Variants in FHAD1 observed in about 807,000 individuals in gnomAD.
FHAD1 encodes forkhead associated phosphopeptide binding domain 1.
A neutral mutation model predicts 191.3 loss-of-function variants in FHAD1; 146 were observed. That is an observed-to-expected ratio of 0.76 (90% CI 0.67 to 0.88). The LOEUF (loss-of-function observed/expected upper bound fraction) is 0.88. Among genes scored for constraint, FHAD1 ranks in the 40% least tolerant of loss-of-function variants. The pLI is 0.00. For synonymous variants in FHAD1, 616 were observed against 672.3 expected, an observed-to-expected ratio of 0.92 and a Z score of 1.29; for missense variants, 1,635 against 1,785.8, an observed-to-expected ratio of 0.92 and a Z score of 1.52.
In FHAD1 at chr1:15,289,628, T is replaced by C; in HGVS notation, c.530T>C (p.Val177Ala). ...GCCAACAAGGAGATGTTCTCGTTCG[T>C]GGTGGACGACGCCCGCAAGCCACCC... Reference protein sequence around the residue: ...VSANKEMFSFVVDDARKPPVI... With the variant: ...VSANKEMFSFAVDDARKPPVI... Residue 177 changes from valine (V) to alanine (A), a missense_variant, in exon 4 of 34, where the codon GTG becomes GCG. By Grantham distance (64) the Val-to-Ala change is moderately conservative. Transcript: ENST00000688493. The surrounding 1 kb of genome is among the most constrained non-coding windows in gnomAD (Gnocchi z 4.2). The C allele has an allele frequency of 6.4e-7, 1 of 1,551,164 alleles. No homozygotes were observed. Among genetic ancestry groups the C allele is most frequent in the African/African-American group, 1.4e-5 (1 of 73,170 alleles).
Position 15,328,427 on chromosome 1 carries a change from C to A in FHAD1, c.1708C>A (p.Gln570Lys). The A allele has an allele frequency of 6.6e-7, 1 of 1,510,788 alleles. No homozygotes were observed. Among genetic ancestry groups the A allele is most frequent in the South Asian group, 1.3e-5 (1 of 78,100 alleles). The allele number at this position is 1,510,788 out of a possible 1,614,324, so 93.6% of individuals were successfully genotyped here. A position where few individuals can be genotyped will look rare whatever the true frequency, so the allele number is the denominator to read the frequency against. The part of the protein sequence containing the change: ...EKLRTSLDSC[Q>K]ACMKISCCSH... ...GCTGAGGACGTCGCTGGACAGCTGC[C>A]AGGTGGCCCCTCCTTACGCTTTCCA... Residue 570 changes from glutamine (Q) to lysine (K), a missense_variant and splice_region_variant, in exon 13 of 34, where the codon CAG becomes AAG. Gln to Lys is a moderately conservative substitution (Grantham distance 53, BLOSUM62 1). Coordinates refer to ENST00000688493, the MANE Select transcript of FHAD1 (RefSeq NM_001391957.1).
intron 26 of FHAD1, among the ~76,000 whole-genome samples, chr1:15,371,402 T>C (rs527524433): frequency 6.6e-6 from 1 of 152,312 alleles, no homozygotes; most frequent in East Asian, 1.9e-4. Context: ...AATGTATTTG[T>C]TCCTTCTTGG....
At chr1:15,333,195 C>T (rs1682446222) in intron 14 of FHAD1, among the ~76,000 whole-genome samples, 1 of 152,150 alleles carries the variant, frequency 6.6e-6, no homozygotes, top group Non-Finnish European at 1.5e-5. Context: ...CTAATACAAG[C>T]AATATTACGT....
chr1:15,294,293 A>G (rs1014200387), intron 4 of FHAD1, among the ~76,000 whole-genome samples: 11 of 152,146 alleles, frequency 7.2e-5, no homozygotes, highest in Non-Finnish European at 1.0e-4. Flanking sequence ...GAAAAATTCT[A>G]TTTGGAAACG....
intron 7 of FHAD1, among the ~76,000 whole-genome samples, chr1:15,310,714 G>A (rs546736778): frequency 4.6e-5 from 7 of 152,118 alleles, no homozygotes; most frequent in African/African-American, 1.4e-4. Context: ...ACTTAAGCTC[G>A]AGAAGCACTG....
rs903901423 is a variant in FHAD1, at chr1:15,327,268, C to G, written c.1557+126C>G. 4 of 616,610 alleles carry G rather than the reference C, an allele frequency of 6.5e-6. No homozygotes were observed. The highest frequency in any genetic ancestry group is 3.7e-5 in the African/African-American group (2 of 53,572). 38.2% of individuals were successfully genotyped at this position (616,610 alleles called of 1,614,324 possible). A position where few individuals can be genotyped will look rare whatever the true frequency, so the allele number is the denominator to read the frequency against. On this transcript the variant is annotated intron_variant, in intron 12 of 33. Coordinates refer to ENST00000688493, the MANE Select transcript of FHAD1 (RefSeq NM_001391957.1). This position sits in a 1 kb window ranked among gnomAD's most constrained non-coding sequence, Gnocchi z 5.1. ...TGGTGGCATATTTTTCACACTGTTG[C>G]TACACCATAAAGATTTGTTTTGATT... is the stretch of plus-strand genomic sequence containing the variant.
chr1:15,335,340 C>G (rs1468182736), intron 14 of FHAD1: 1 of 152,164 alleles, frequency 6.6e-6, no homozygotes, highest in Non-Finnish European at 1.5e-5. Context: ...CAAGCTCCGT[C>G]GTTTGTGTCT....
At chr1:15,293,110 G>T (rs141438640) in intron 4 of FHAD1, among the ~76,000 whole-genome samples, 73 of 152,276 alleles carry the variant, frequency 4.8e-4, no homozygotes, top group African/African-American at 1.8e-3. Flanking sequence ...TTGGAGACTG[G>T]CTGCCACTCA....
Position 15,329,613 on chromosome 1 carries a change from C to T in FHAD1, c.1906+72C>T. The T allele has an allele frequency of 7.2e-7, 1 of 1,397,162 alleles. No individual in the cohort carries two copies. Among genetic ancestry groups the T allele is most frequent in the South Asian group, 1.3e-5 (1 of 79,954 alleles). The allele number at this position is 1,397,162 out of a possible 1,614,324, so 86.5% of individuals were successfully genotyped here. On this transcript the variant is annotated intron_variant, in intron 14 of 33. Transcript: ENST00000688493. The surrounding 1 kb of genome is among the most constrained non-coding windows in gnomAD (Gnocchi z 5.0). Reference sequence around the variant, plus strand: ...CGCGTTGAATCTCAGCATGATGGGACATCTGTTGAGGAAGTCTTCCTGGGT... The same window carrying T: ...CGCGTTGAATCTCAGCATGATGGGATATCTGTTGAGGAAGTCTTCCTGGGT...
At chr1:15,374,853 T>TG (rs112001632) in intron 27 of FHAD1, among the ~76,000 whole-genome samples, 2,685 of 116,190 alleles carry the variant, frequency 0.023, 134 homozygotes, top group African/African-American at 0.1. Context: ...TGTACGTTTT[T>TG]TTTTTTGTTT....
At chr1:15,376,152 C>T (rs1378689873) in intron 28 of FHAD1, among the ~76,000 whole-genome samples, 1 of 150,266 alleles carries the variant, frequency 6.7e-6, no homozygotes, top group Non-Finnish European at 1.5e-5. Flanking sequence ...TGCAGTGGCA[C>T]TATCTTGGCT....
chr1:15,240,630 C>CAAAAA (rs34684294), intron 1 of FHAD1, among the ~76,000 whole-genome samples: 19 of 109,842 alleles, frequency 1.7e-4, no homozygotes, highest in South Asian at 6.4e-4. Context: ...GACCCTGTCT[C>CAAAAA]AAAAAAAAAA....
intron 3 of FHAD1, among the ~76,000 whole-genome samples, chr1:15,281,921 T>G (rs891710571): frequency 1.3e-5 from 2 of 152,302 alleles, no homozygotes; most frequent in Non-Finnish European, 2.9e-5. Context: ...TGTATCTATA[T>G]CAGTACGGAC....
chr1:15,341,897 G>T lies in FHAD1; in HGVS notation c.2130+9G>T. On this transcript the variant is annotated intron_variant, in intron 16 of 33. Transcript: ENST00000688493. ...TGACGGAAGAGAAGGCGGTAAGGTG[G>T]TCCCTGCCATTTGCTTTACTACTGG... The T allele has an allele frequency of 3.2e-6, 5 of 1,549,668 alleles. No individual in the cohort carries two copies. The highest frequency in any genetic ancestry group is 2.4e-5 in the East Asian group (1 of 40,906).
Position 15,360,348 on chromosome 1 carries a change from A to G in FHAD1, c.2737-130A>G, listed in dbSNP as rs1570205102. 2.0e-5 allele frequency: 14 copies of G among 702,420 alleles called. No individual in the cohort carries two copies. In the South Asian group the frequency reaches 2.4e-4, roughly 12 times the overall value. 43.5% of individuals were successfully genotyped at this position (702,420 alleles called of 1,614,324 possible). ...GCTGGGGAAGAAGTGCACAGGGCAG[A>G]GGGAACTGCATGTGCTAAGGCCCTG... On this transcript the variant is annotated intron_variant, in intron 21 of 33. Coordinates refer to ENST00000688493, the MANE Select transcript of FHAD1 (RefSeq NM_001391957.1).
intron 24 of FHAD1, among the ~76,000 whole-genome samples, chr1:15,367,030 C>T (rs1202795830): frequency 2.0e-5 from 3 of 152,168 alleles, no homozygotes; most frequent in Non-Finnish European, 2.9e-5. Flanking sequence ...GTTAACACCC[C>T]CAAGACATTT....
At chr1:15,251,673 A>G (rs1646792591) in intron 1 of FHAD1, 98 bp from the exon 2 acceptor site, 1 of 926,230 alleles carries the variant, frequency 1.1e-6, no homozygotes, top group East Asian at 2.6e-5. Context: ...CACTTTGGAC[A>G]TGACTCTGTG....
At chr1:15,356,449 C>G (rs1008651299) in intron 20 of FHAD1, among the ~76,000 whole-genome samples, 1 of 152,166 alleles carries the variant, frequency 6.6e-6, no homozygotes, top group Non-Finnish European at 1.5e-5. Context: ...TCATCTCTGG[C>G]GTGGCCAGGG....
chr1:15,341,304 A>C (rs952104724), intron 15 of FHAD1, among the ~76,000 whole-genome samples: 11 of 152,346 alleles, frequency 7.2e-5, no homozygotes, highest in Admixed American at 6.5e-4. Flanking sequence ...TTTTTCAGAT[A>C]AGGACAATTT....
Sources: gnomAD v4.1 joint callset for allele counts (sites outside exome capture counted in the v4.1 genomes callset) on GRCh38, gnomAD v4.1.1 for gene constraint, Gnocchi (gnomAD v3.1) non-coding constraint, MANE v1.5 for transcripts, NCBI Gene and HGNC (gene_info 2026-07-23, HGNC 2026-07-21) for gene names.